Variants in PRSS23 observed in about 807,000 individuals in gnomAD.
PRSS23 encodes the protein serine protease 23.
PRSS23 carries 25 observed loss-of-function variants against 34.7 expected under a neutral mutation model. The ratio of observed to expected loss-of-function variants is 0.72; its 90% CI spans 0.53 to 1.01. PRSS23 has a LOEUF of 1.01. Ranked by LOEUF, PRSS23 falls within the 50% of genes least tolerant of loss-of-function variation. PRSS23 has a pLI of 0.00. For synonymous variants in PRSS23, 176 were observed against 186.6 expected (o/e 0.94, Z 0.46); for missense variants, 445 against 475.6 (o/e 0.94, Z 0.60).
chr11:86,920,344 C>G (rs1414050500), intron 2 of PRSS23, among the ~76,000 whole-genome samples: 1 of 152,220 alleles, frequency 6.6e-6, no homozygotes, highest in Non-Finnish European at 1.5e-5. Flanking sequence ...GTGCCAAGTT[C>G]TGAGCACCTA....
rs142899971 is a variant in PRSS23 at position 86,792,359 on chromosome 11, G to C, written c.-14+1164G>C. Among the ~76,000 whole-genome samples the C allele has an allele frequency of 1.8e-3, 273 of 152,338 alleles. 2 individuals are homozygous for C. The highest frequency in any genetic ancestry group is 6.0e-3 in the African/African-American group (250 of 41,570). On this transcript the variant is annotated intron_variant, in intron 1 of 1. Transcript: ENST00000527521. ...CTCATGCTCACTGGGCTCTGGGACA[G>C]CATTTTCTCCTTTCTGCCTCCTGCC... is the stretch of plus-strand genomic sequence containing the variant.
In PRSS23 at chr11:86,889,898, A is replaced by G. The variant is rs141418568; in HGVS notation, c.207-61318A>G. On this transcript the variant is annotated intron_variant, in intron 2 of 2. Coordinates refer to the PRSS23 transcript ENST00000533902. Reference sequence around the variant, plus strand: ...TCTGGAGAGCTTGTTAAAAATACCAATGTCAGGAGCTCGACCCTAGAGATT... The same window carrying G: ...TCTGGAGAGCTTGTTAAAAATACCAGTGTCAGGAGCTCGACCCTAGAGATT... Among the ~76,000 whole-genome samples, 5 of 152,272 alleles carry G rather than the reference A, an allele frequency of 3.3e-5. No homozygotes were observed. The East Asian group carries it at 7.7e-4, about 23-fold the overall frequency.
At chr11:86,822,051 T>C (rs1451288481) in intron 1 of PRSS23, among the ~76,000 whole-genome samples, 2 of 152,188 alleles carry the variant, frequency 1.3e-5, no homozygotes, top group Non-Finnish European at 2.9e-5. Flanking sequence ...CCTAGAGAGC[T>C]TGTGATAACT....
chr11:86,847,666 C>T (rs555266735), intron 2 of PRSS23, among the ~76,000 whole-genome samples: 4 of 152,222 alleles, frequency 2.6e-5, no homozygotes, highest in East Asian at 1.9e-4. Flanking sequence ...GGGACAAATT[C>T]GACCCTGAAA....
chr11:86,833,131 A>G (rs1590885070), intron 2 of PRSS23: 7 of 702,796 alleles, frequency 1.0e-5, no homozygotes, highest in South Asian at 4.3e-5. Context: ...TCTTTCTTCC[A>G]TGCCTCCAAA....
At chr11:86,824,754 T>A (rs1391354518) in intron 2 of PRSS23, among the ~76,000 whole-genome samples, 1 of 151,742 alleles carries the variant, frequency 6.6e-6, no homozygotes, top group Non-Finnish European at 1.5e-5. Context: ...CTTGGGATAG[T>A]TTACTGAGAA....
intron 2 of PRSS23, among the ~76,000 whole-genome samples, chr11:86,851,129 C>T (rs1414185665): frequency 2.0e-5 from 3 of 152,152 alleles, no homozygotes; most frequent in Admixed American, 1.3e-4. Flanking sequence ...GTCTCTAAGT[C>T]CCAGGCACTG....
At chr11:86,838,715 C>T (rs919738034) in intron 2 of PRSS23, among the ~76,000 whole-genome samples, 3 of 152,116 alleles carry the variant, frequency 2.0e-5, no homozygotes, top group Admixed American at 2.0e-4. Context: ...GAGACATCTC[C>T]CAGAAGGGGA....
chr11:86,821,469 G>T, intron 1 of PRSS23: 1 of 1,607,234 alleles, frequency 6.2e-7, no homozygotes, highest in Non-Finnish European at 8.5e-7. Flanking sequence ...GCTATAGCAG[G>T]ACACTCTTTC....
intron 1 of PRSS23, among the ~76,000 whole-genome samples, chr11:86,803,941 C>G (rs1474985625): frequency 6.6e-6 from 1 of 152,116 alleles, no homozygotes; most frequent in African/African-American, 2.4e-5. Flanking sequence ...TCCTTTGCCT[C>G]CACCCTCCAT....
At chr11:86,861,880 A>G (rs1948618138) in intron 2 of PRSS23, among the ~76,000 whole-genome samples, 1 of 151,922 alleles carries the variant, frequency 6.6e-6, no homozygotes, top group African/African-American at 2.4e-5. Flanking sequence ...TAGGAAGTGT[A>G]CACCCCCTTG....
chr11:86,862,098 G>T (rs904201767), intron 2 of PRSS23, among the ~76,000 whole-genome samples: 6 of 151,754 alleles, frequency 4.0e-5, no homozygotes, highest in Admixed American at 2.6e-4. Flanking sequence ...TATCGCAGGG[G>T]GTGTACACCC....
chr11:86,885,763 T>C (rs1363078299), intron 2 of PRSS23, among the ~76,000 whole-genome samples: 1 of 152,248 alleles, frequency 6.6e-6, no homozygotes, highest in African/African-American at 2.4e-5. Context: ...CCCTCTCTCT[T>C]TATAAATTCA....
intron 2 of PRSS23, among the ~76,000 whole-genome samples, chr11:86,893,499 A>C (rs1948854941): frequency 6.6e-6 from 1 of 152,170 alleles, no homozygotes; most frequent in Non-Finnish European, 1.5e-5. Context: ...TATGTCTCTC[A>C]TTAAGGATGA....
chr11:86,930,582 G>A (rs1276385122), intron 2 of PRSS23, among the ~76,000 whole-genome samples: 1 of 152,144 alleles, frequency 6.6e-6, no homozygotes, highest in Non-Finnish European at 1.5e-5. Context: ...ACAAGGTCAG[G>A]AGATCGAGAC....
intron 2 of PRSS23, chr11:86,896,379 A>G (rs1948876352): frequency 5.9e-5 from 9 of 151,618 alleles, no homozygotes; most frequent in Admixed American, 5.9e-4. Context: ...AAACACACAT[A>G]TACACATGCA....
At chr11:86,922,594 A>G (rs2135004904) in intron 2 of PRSS23, among the ~76,000 whole-genome samples, 1 of 152,390 alleles carries the variant, frequency 6.6e-6, no homozygotes, top group South Asian at 2.1e-4. Flanking sequence ...ACACAGTAGT[A>G]GCTCAGTAAA....
At chr11:86,902,506 A>G (rs1948918273) in intron 2 of PRSS23, among the ~76,000 whole-genome samples, 1 of 152,220 alleles carries the variant, frequency 6.6e-6, no homozygotes, top group Admixed American at 6.5e-5. Context: ...CTTCTGAAAC[A>G]GATTTTAAAG....
chr11:86,822,156 CTACTATGCAAGGCATAGTAGG>C (rs1204621811), intron 1 of PRSS23, among the ~76,000 whole-genome samples: 1 of 152,104 alleles, frequency 6.6e-6, no homozygotes, highest in East Asian at 1.9e-4. Flanking sequence ...TATTGAGCAC[CTACTATGCAAGGCATAGTAGG>C]TAAAACTGAA....
Sources: allele counts gnomAD v4.1 joint callset (sites outside exome capture counted in the v4.1 genomes callset), GRCh38; gene constraint gnomAD v4.1.1; transcripts MANE v1.5; gene names NCBI Gene and HGNC (gene_info 2026-07-23, HGNC 2026-07-21).